Variants in ZFC3H1 observed in about 807,000 individuals in gnomAD.
ZFC3H1 encodes zinc finger C3H1 domain-containing protein.
In ZFC3H1, 71 loss-of-function variants were observed where a neutral mutation model predicts 243.7. The observed-to-expected ratio is 0.29, with a 90% confidence interval of 0.24 to 0.36. The LOEUF (loss-of-function observed/expected upper bound fraction) is 0.36, where lower values mean the gene tolerates loss of function less well. ZFC3H1 is among the 10% of genes least tolerant of loss of function. The pLI is 1.00. For missense variants in ZFC3H1, 1,966 were observed against 2,317.1 expected (o/e 0.85, Z 3.11); for synonymous variants, 838 against 813.0 (o/e 1.03, Z -0.52).
At chr12:71,652,846 C>G (rs149422028) in intron 2 of ZFC3H1, among the ~76,000 whole-genome samples, 417 of 152,146 alleles carry the variant, frequency 2.7e-3, no homozygotes, top group Non-Finnish European at 4.4e-3. Context: ...ACCATATGGA[C>G]AGCCAGTGAG....
intron 2 of ZFC3H1, among the ~76,000 whole-genome samples, chr12:71,655,009 A>G (rs1880982061): frequency 6.6e-6 from 1 of 152,176 alleles, no homozygotes; most frequent in South Asian, 2.1e-4. Flanking sequence ...TCACAAATCC[A>G]TCATCATACT....
chr12:71,648,791 T>C (rs1592600315), intron 2 of ZFC3H1, among the ~76,000 whole-genome samples: 1 of 152,114 alleles, frequency 6.6e-6, no homozygotes, highest in South Asian at 2.1e-4. Flanking sequence ...ACTGATACAT[T>C]AGAAAATAAT....
chr12:71,652,254 CT>C (rs1235268851), intron 2 of ZFC3H1, among the ~76,000 whole-genome samples: 2 of 152,140 alleles, frequency 1.3e-5, no homozygotes, highest in Non-Finnish European at 2.9e-5. Context: ...TCCAATCACT[CT>C]TCCATACTGA....
intron 6 of ZFC3H1, among the ~76,000 whole-genome samples, chr12:71,641,896 C>T (rs577291798): frequency 6.6e-6 from 1 of 152,294 alleles, no homozygotes; most frequent in African/African-American, 2.4e-5. Context: ...GTCACTCAGG[C>T]GGGAGTGCAG....
chr12:71,626,113 A>C, intron 22 of ZFC3H1, 147 bp downstream of exon 22: 1 of 726,160 alleles, frequency 1.4e-6, no homozygotes, highest in Non-Finnish European at 2.0e-6. Flanking sequence ...CTTTGTGGTT[A>C]CTAGAAACTG....
chr12:71,615,166 A>C (rs779885928), intron 28 of ZFC3H1, 40 bp downstream of exon 28: 1 of 1,452,862 alleles, frequency 6.9e-7, no homozygotes, highest in East Asian at 2.3e-5. Flanking sequence ...TAGCAAATGC[A>C]GGCCTAGTAT....
chr12:71,651,599 T>G (rs189382498), intron 2 of ZFC3H1, among the ~76,000 whole-genome samples: 12 of 152,302 alleles, frequency 7.9e-5, no homozygotes, highest in Admixed American at 7.8e-4. Flanking sequence ...ATGAGTAGTT[T>G]CAGTATTGTG....
chr12:71,634,634 A>C (rs938163257), intron 11 of ZFC3H1, 70 bp downstream of exon 11: 8 of 1,490,722 alleles, frequency 5.4e-6, no homozygotes, highest in Non-Finnish European at 6.3e-6. Flanking sequence ...CCCAGTGCCA[A>C]GAAACTCTAT....
At chr12:71,642,706 A>C in intron 5 of ZFC3H1, 147 bp from the exon 6 acceptor site, 1 of 891,742 alleles carries the variant, frequency 1.1e-6, no homozygotes. Context: ...GGGAAATTCA[A>C]TTCAAATGAT....
chr12:71,636,807 T>G, intron 8 of ZFC3H1, 43 bp downstream of exon 8: 3 of 1,603,810 alleles, frequency 1.9e-6, no homozygotes, highest in Non-Finnish European at 2.6e-6. Flanking sequence ...ACCGTAAAGC[T>G]AAGCTCAAGA....
Position 71,610,683 on chromosome 12 carries a change from A to G in ZFC3H1, c.5832+12T>C. 1.9e-6 allele frequency: 3 copies of G among 1,613,012 alleles called. No homozygotes were observed. The South Asian group carries it at 3.3e-5, about 18-fold the overall frequency. On this transcript the variant is annotated intron_variant, in intron 34 of 34. Transcript: ENST00000378743. The stretch of plus-strand genomic sequence containing the variant: ...AAAACATCGAGATAAAATAAAAGAT[A>G]AAAAGCATTACATCTTTCCACAGTG...
At chr12:71,622,378 G>T (rs964817934) in intron 24 of ZFC3H1, among the ~76,000 whole-genome samples, 3 of 152,218 alleles carry the variant, frequency 2.0e-5, no homozygotes, top group Middle Eastern at 3.4e-3. Flanking sequence ...AGACTTCCTT[G>T]ATCATGCCAA....
At chr12:71,627,317 AC>A (rs1880194859) in intron 21 of ZFC3H1, among the ~76,000 whole-genome samples, 1 of 152,200 alleles carries the variant, frequency 6.6e-6, no homozygotes, top group South Asian at 2.1e-4. Flanking sequence ...AAGAAAATTC[AC>A]CATAATTTGG....
rs555267171 is a variant in ZFC3H1, at chr12:71,648,681, A to G, written c.1016-868T>C. 3.9e-5 allele frequency among the ~76,000 whole-genome samples: 6 copies of G among 152,376 alleles called. No homozygotes were observed. In the East Asian group the frequency reaches 1.2e-3, roughly 29 times the overall value. ...TATTCAATAAATAAATGACTAATCT[A>G]GCATCTAAATCAATGTAAATAGAAG... is the stretch of plus-strand genomic sequence containing the variant. On this transcript the variant is annotated intron_variant, in intron 2 of 34. Transcript: ENST00000378743.
At chr12:71,658,617 T>A (rs1027841582) in intron 1 of ZFC3H1, among the ~76,000 whole-genome samples, 9 of 152,028 alleles carry the variant, frequency 5.9e-5, no homozygotes, top group African/African-American at 2.2e-4. Flanking sequence ...GGCTAGGATG[T>A]AAAATACAGT....
intron 2 of ZFC3H1, among the ~76,000 whole-genome samples, chr12:71,652,887 A>G (rs1156737663): frequency 6.6e-6 from 1 of 151,874 alleles, no homozygotes. Flanking sequence ...TGAAGTCTTT[A>G]GCAAATTCTC....
rs1359187781 is a variant in ZFC3H1 at position 71,634,296 on chromosome 12, T to G, written c.2369A>C (p.Lys790Thr). 6.2e-7 allele frequency: 1 copy of G among 1,612,324 alleles called. No homozygotes were observed. The highest frequency in any genetic ancestry group is 8.5e-7 in the Non-Finnish European group (1 of 1,179,514). Residue 790 changes from lysine (K) to threonine (T), a missense_variant, in exon 12 of 35, where the codon AAA becomes ACA. This residue lies in a region of ZFC3H1 where 1,383 missense variants were observed against 1,723.7 expected (regional missense o/e 0.80). Transcript: ENST00000378743. ...CTGATCTGATTTAATCAAACGCTGT[T>G]TCTCACGGCTAAAATTATCAAAAAG... Reference protein sequence around the residue: ...LLKEEIANREKQRLIKSDQLK... With the variant: ...LLKEEIANRETQRLIKSDQLK...
At position 71,636,508 on chromosome 12, in the gene ZFC3H1, A is replaced by G. The variant is rs1489118581; in HGVS notation, c.2082T>C (p.Leu694=). ...QNPKFHRGPR[L]PRTVISLPKH... The stretch of plus-strand genomic sequence containing the variant: ...TTTTTACCGAGATCACAGTTCGTGG[A>G]AGACGGGGTCCTCTGTGAAACTTTG... Residue 694 remains leucine, a synonymous_variant, in exon 9 of 35, where the codon CTT becomes CTC. Transcript: ENST00000378743. 6.2e-7 allele frequency: 1 copy of G among 1,605,542 alleles called. No homozygotes were observed. Among genetic ancestry groups the G allele is most frequent in the Non-Finnish European group, 8.5e-7 (1 of 1,177,132 alleles).
chr12:71,610,247 C>A lies in ZFC3H1; in HGVS notation c.*181G>T, dbSNP rs1302029074. 9.2e-6 allele frequency: 6 copies of A among 653,406 alleles called. No homozygotes were observed. The highest frequency in any genetic ancestry group is 6.6e-5 in the Admixed American group (2 of 30,528). The allele number at this position is 653,406 out of a possible 1,614,324, so 40.5% of individuals were successfully genotyped here. A position where few individuals can be genotyped will look rare whatever the true frequency, so the allele number is the denominator to read the frequency against. The stretch of plus-strand genomic sequence containing the variant: ...CAAACAGGAAGTTCATTTATCCAAC[C>A]GAAGAGGATCATGTTCATTGCTTCC... On this transcript the variant is annotated 3_prime_UTR_variant, in exon 35 of 35. Transcript: ENST00000378743.
Sources: allele counts gnomAD v4.1 joint callset (sites outside exome capture counted in the v4.1 genomes callset), GRCh38; gene constraint gnomAD v4.1.1; regional missense constraint gnomAD v4.1.1; transcripts MANE v1.5; gene names NCBI Gene and HGNC (gene_info 2026-07-23, HGNC 2026-07-21).